Variants in CDH4 observed in about 807,000 individuals in gnomAD.
The protein encoded by CDH4 is cadherin-4.
Under a neutral mutation model 86.0 loss-of-function variants are expected in CDH4, and 33 were observed. The observed-to-expected ratio is 0.38, with a 90% CI of 0.29 to 0.51. CDH4 has a LOEUF of 0.51. Among genes scored for constraint, CDH4 ranks in the 20% least tolerant of loss-of-function variants. The pLI is 0.86. For missense variants in CDH4, 1,114 were observed against 1,307.4 expected (o/e 0.85, Z 2.28); for synonymous variants, 555 against 549.4 (o/e 1.01, Z -0.14).
At chr20:61,382,450 C>A (rs1396044901) in intron 2 of CDH4, among the ~76,000 whole-genome samples, 2 of 152,194 alleles carry the variant, frequency 1.3e-5, no homozygotes, top group Non-Finnish European at 2.9e-5. Context: ...GTGGACCTCC[C>A]ATGAGCAGGT....
At chr20:61,535,949 A>G (rs1162375812) in intron 2 of CDH4, among the ~76,000 whole-genome samples, 1 of 152,208 alleles carries the variant, frequency 6.6e-6, no homozygotes, top group Non-Finnish European at 1.5e-5. Context: ...ATCTAGCCAC[A>G]TCCTGAAAGA....
chr20:61,680,594 C>T (rs574462247), intron 2 of CDH4, among the ~76,000 whole-genome samples: 7 of 152,272 alleles, frequency 4.6e-5, no homozygotes, highest in East Asian at 1.9e-4. Context: ...CACAAAGAGC[C>T]GAGCATCCCC....
intron 2 of CDH4, among the ~76,000 whole-genome samples, chr20:61,344,153 G>A (rs774482394): frequency 6.6e-5 from 10 of 152,130 alleles, no homozygotes; most frequent in African/African-American, 9.7e-5. Flanking sequence ...GGGAGGAGAC[G>A]GGTTAGGGCT....
intron 15 of CDH4, among the ~76,000 whole-genome samples, chr20:61,934,611 C>T (rs1239906111): frequency 6.6e-6 from 1 of 152,228 alleles, no homozygotes; most frequent in African/African-American, 2.4e-5. Flanking sequence ...AAGTATTAAC[C>T]TTACACAGAG....
intron 2 of CDH4, among the ~76,000 whole-genome samples, chr20:61,460,553 G>C (rs2085436472): frequency 6.6e-6 from 1 of 152,220 alleles, no homozygotes; most frequent in Admixed American, 6.5e-5. Flanking sequence ...TGGGGATAAG[G>C]GCCTTGGGCC....
chr20:61,271,468 A>G (rs977305014), intron 2 of CDH4, among the ~76,000 whole-genome samples: 1 of 152,190 alleles, frequency 6.6e-6, no homozygotes, highest in African/African-American at 2.4e-5. Flanking sequence ...CACAGCAGAG[A>G]GGACAGCGGG....
At chr20:61,439,165 G>C (rs1207772153) in intron 2 of CDH4, among the ~76,000 whole-genome samples, 1 of 152,096 alleles carries the variant, frequency 6.6e-6, no homozygotes, top group Non-Finnish European at 1.5e-5. Flanking sequence ...CTTGGTGCTT[G>C]AAGTTGTGTT....
intron 2 of CDH4, among the ~76,000 whole-genome samples, chr20:61,657,524 C>T (rs761308337): frequency 5.9e-5 from 9 of 152,202 alleles, no homozygotes; most frequent in African/African-American, 1.9e-4. Flanking sequence ...AGGATCTCTG[C>T]GGAGGCAGAT....
At chr20:61,504,704 G>C (rs1039745695) in intron 2 of CDH4, among the ~76,000 whole-genome samples, 1 of 152,242 alleles carries the variant, frequency 6.6e-6, no homozygotes, top group African/African-American at 2.4e-5. Context: ...TGCAGTGACA[G>C]CGTCTTTGCC....
intron 2 of CDH4, among the ~76,000 whole-genome samples, chr20:61,327,990 G>A (rs948716560): frequency 6.6e-6 from 1 of 152,172 alleles, no homozygotes; most frequent in African/African-American, 2.4e-5. Flanking sequence ...TGATGCTTTT[G>A]TGGGAGATGG....
chr20:61,306,151 C>T (rs995124908), intron 2 of CDH4, among the ~76,000 whole-genome samples: 4 of 152,146 alleles, frequency 2.6e-5, no homozygotes, highest in Non-Finnish European at 5.9e-5. Flanking sequence ...TTCATCTCAT[C>T]TGTTGATTTT....
At chr20:61,866,128 G>A (rs1408950473) in intron 6 of CDH4, among the ~76,000 whole-genome samples, 1 of 152,084 alleles carries the variant, frequency 6.6e-6, no homozygotes, top group Non-Finnish European at 1.5e-5. Flanking sequence ...CTGGCATGGG[G>A]GATTTTGCCC....
chr20:61,575,464 G>A (rs2086375985), intron 2 of CDH4, among the ~76,000 whole-genome samples: 1 of 152,194 alleles, frequency 6.6e-6, no homozygotes, highest in Non-Finnish European at 1.5e-5. Flanking sequence ...TATAATGGTG[G>A]TAGAAAGACA....
intron 2 of CDH4, among the ~76,000 whole-genome samples, chr20:61,292,568 G>A (rs2084328633): frequency 6.6e-6 from 1 of 152,202 alleles, no homozygotes; most frequent in Non-Finnish European, 1.5e-5. Flanking sequence ...ATGGAGGCTG[G>A]AGCTGCCGCA....
chr20:61,832,764 G>A (rs925948959), intron 4 of CDH4, among the ~76,000 whole-genome samples: 2 of 152,260 alleles, frequency 1.3e-5, no homozygotes, highest in African/African-American at 4.8e-5. Flanking sequence ...GATGAGATTC[G>A]GGTGGGGACA....
intron 2 of CDH4, among the ~76,000 whole-genome samples, chr20:61,660,262 C>T (rs2145830676): frequency 6.6e-6 from 1 of 152,332 alleles, no homozygotes; most frequent in African/African-American, 2.4e-5. Context: ...GGAGCGTGGC[C>T]CTGCTGCCCT....
chr20:61,880,663 G>A (rs1034693255), intron 7 of CDH4, among the ~76,000 whole-genome samples: 1 of 152,222 alleles, frequency 6.6e-6, no homozygotes, highest in Non-Finnish European at 1.5e-5. Context: ...TCACCCCCAG[G>A]ACGCAGAGGC....
At position 61,766,257 on chromosome 20, in the gene CDH4, C is replaced by T. The variant is rs2088697459; in HGVS notation, c.397-6746C>T. 1.3e-5 allele frequency among the ~76,000 whole-genome samples: 2 copies of T among 149,062 alleles called. 1 individual carries two copies. The highest frequency in any genetic ancestry group is 4.5e-4 in the South Asian group (2 of 4,426). ...AGCCAGGCAATTTGGACAAATTCTT[C>T]CACTGGCCTGGGCCTCAGTTTCCCT... On this transcript the variant is annotated intron_variant, in intron 3 of 15. Coordinates refer to ENST00000614565, the MANE Select transcript of CDH4 (RefSeq NM_001794.5).
At chr20:61,365,137 C>T (rs2084804180) in intron 2 of CDH4, among the ~76,000 whole-genome samples, 1 of 152,210 alleles carries the variant, frequency 6.6e-6, no homozygotes, top group African/African-American at 2.4e-5. Context: ...GTGCCCAACT[C>T]TACTGTGTGC....
Sources: allele counts gnomAD v4.1 joint callset (sites outside exome capture counted in the v4.1 genomes callset), GRCh38; gene constraint gnomAD v4.1.1; transcripts MANE v1.5; gene names NCBI Gene and HGNC (gene_info 2026-07-23, HGNC 2026-07-21).